Variants in NCAM2 observed in about 807,000 individuals in gnomAD.
NCAM2 encodes the protein neural cell adhesion molecule 2.
NCAM2 carries 30 observed loss-of-function variants against 98.1 expected under a neutral mutation model. The observed-to-expected ratio is 0.31, with a 90% confidence interval of 0.23 to 0.41. The LOEUF is 0.41. Ranked by LOEUF, NCAM2 falls within the 10% of genes least tolerant of loss-of-function variation. The probability of loss-of-function intolerance (pLI) is 1.00; values close to 1 mark genes in which losing one functional copy is unlikely to be tolerated. For synonymous variants in NCAM2, 368 were observed against 342.4 expected, an observed-to-expected ratio of 1.07 and a Z score of -0.83; for missense variants, 867 against 1,005.8, an observed-to-expected ratio of 0.86 and a Z score of 1.87.
chr21:21,018,421 C>T (rs2064362451), intron 1 of NCAM2, among the ~76,000 whole-genome samples: 1 of 152,174 alleles, frequency 6.6e-6, no homozygotes, highest in Non-Finnish European at 1.5e-5. Flanking sequence ...GAGATGAAGG[C>T]TGCTAAGTTT....
intron 8 of NCAM2, among the ~76,000 whole-genome samples, chr21:21,343,462 A>G (rs748964381): frequency 4.6e-5 from 7 of 152,096 alleles, no homozygotes; most frequent in Non-Finnish European, 1.0e-4. Context: ...TATTGCTGAA[A>G]GAGTCACTGA....
intron 1 of NCAM2, among the ~76,000 whole-genome samples, chr21:21,225,495 CA>C (rs2070346152): frequency 1.3e-5 from 2 of 151,852 alleles, no homozygotes; most frequent in Non-Finnish European, 1.5e-5. Flanking sequence ...TAGAATTTCT[CA>C]AAGCTCACAT....
intron 1 of NCAM2, among the ~76,000 whole-genome samples, chr21:21,233,662 G>A (rs368156942): frequency 3.3e-5 from 5 of 151,700 alleles, no homozygotes; most frequent in African/African-American, 9.6e-5. Flanking sequence ...GAGTACAAAC[G>A]ATGTTTTGGC....
intron 1 of NCAM2, among the ~76,000 whole-genome samples, chr21:21,035,420 C>T (rs939723456): frequency 6.6e-6 from 1 of 152,160 alleles, no homozygotes; most frequent in Non-Finnish European, 1.5e-5. Context: ...CTCTCAAAAA[C>T]ATACTTTACC....
chr21:21,355,612 GTTATTA>G (rs1160396964), intron 8 of NCAM2, among the ~76,000 whole-genome samples: 1 of 150,366 alleles, frequency 6.7e-6, no homozygotes, highest in Non-Finnish European at 1.5e-5. Flanking sequence ...TTTTATTGCT[GTTATTA>G]TTATTATTAT....
intron 11 of NCAM2, among the ~76,000 whole-genome samples, chr21:21,419,139 A>G (rs1474989293): frequency 6.6e-6 from 1 of 152,138 alleles, no homozygotes; most frequent in African/African-American, 2.4e-5. Context: ...ATAGGTAACA[A>G]TACAGATTGC....
At chr21:21,478,213 G>T (rs914967709) in intron 15 of NCAM2, among the ~76,000 whole-genome samples, 16 of 151,810 alleles carry the variant, frequency 1.1e-4, no homozygotes, top group African/African-American at 3.9e-4. Flanking sequence ...TTGCTAAATT[G>T]GTCATATTTC....
In NCAM2 at chr21:21,501,804, T is replaced by C. The variant is rs1016998693; in HGVS notation, c.2078-7047T>C. On this transcript the variant is annotated intron_variant, in intron 15 of 17. Coordinates refer to ENST00000400546, the MANE Select transcript of NCAM2 (RefSeq NM_004540.5). ...CTGTGTTCTTGTAATTTTTGAGAAA[T>C]TGCCCTTTAAGTTTCAGTATACCAA... Among the ~76,000 whole-genome samples, 5 of 152,038 alleles carry C rather than the reference T, an allele frequency of 3.3e-5. No homozygotes were observed. In the East Asian group the frequency reaches 9.7e-4, roughly 29 times the overall value.
At chr21:21,082,225 T>TAAAA (rs57713170) in intron 1 of NCAM2, among the ~76,000 whole-genome samples, 1 of 82,912 alleles carries the variant, frequency 1.2e-5, no homozygotes, top group African/African-American at 4.4e-5. Context: ...GAGAATCCTT[T>TAAAA]AAAAAAAAAA....
intron 1 of NCAM2, among the ~76,000 whole-genome samples, chr21:21,106,157 A>G (rs549539550): frequency 6.9e-4 from 105 of 151,878 alleles, no homozygotes; most frequent in African/African-American, 2.5e-3. Flanking sequence ...AAATTTAAAA[A>G]CTTAGTTGGG....
intron 6 of NCAM2, among the ~76,000 whole-genome samples, chr21:21,333,654 G>A (rs1306870112): frequency 6.6e-6 from 1 of 152,066 alleles, no homozygotes; most frequent in Admixed American, 6.6e-5. Flanking sequence ...GAATTGAGGA[G>A]TAGAGATATA....
chr21:21,447,838 A>G (rs1418929561), intron 12 of NCAM2, among the ~76,000 whole-genome samples: 2 of 152,154 alleles, frequency 1.3e-5, no homozygotes, highest in Non-Finnish European at 2.9e-5. Flanking sequence ...TCAAAACCAT[A>G]ATGAGATACC....
At chr21:21,470,551 A>G (rs775107557) in intron 14 of NCAM2, among the ~76,000 whole-genome samples, 5 of 152,036 alleles carry the variant, frequency 3.3e-5, no homozygotes, top group Non-Finnish European at 5.9e-5. Flanking sequence ...TCTCCAGTAA[A>G]GTTACTCCTT....
At chr21:21,448,782 CA>C (rs888611560) in intron 12 of NCAM2, among the ~76,000 whole-genome samples, 2 of 151,622 alleles carry the variant, frequency 1.3e-5, no homozygotes, top group African/African-American at 4.8e-5. Flanking sequence ...TTATGAATTG[CA>C]AAAAAGAAGA....
intron 15 of NCAM2, among the ~76,000 whole-genome samples, chr21:21,503,924 G>T (rs1987800816): frequency 6.6e-6 from 1 of 151,634 alleles, no homozygotes; most frequent in Non-Finnish European, 1.5e-5. Context: ...AATACAAAAT[G>T]ATCATTAAAG....
intron 1 of NCAM2, among the ~76,000 whole-genome samples, chr21:21,072,435 C>T (rs2065591804): frequency 6.6e-6 from 1 of 151,942 alleles, no homozygotes; most frequent in African/African-American, 2.4e-5. Flanking sequence ...TTATAGAAAA[C>T]TTACAAAATT....
chr21:21,418,380 T>C (rs948106094), intron 10 of NCAM2, 93 bp from the exon 11 acceptor site: 1 of 869,410 alleles, frequency 1.2e-6, no homozygotes, highest in African/African-American at 1.7e-5. Flanking sequence ...GGGTAAAAAA[T>C]GAAATGTGTG....
intron 10 of NCAM2, among the ~76,000 whole-genome samples, chr21:21,411,445 TA>T (rs1017244448): frequency 2.0e-5 from 3 of 151,818 alleles, no homozygotes; most frequent in Admixed American, 1.3e-4. Context: ...TCTTTTGTTT[TA>T]TTACTAAAAA....
intron 1 of NCAM2, among the ~76,000 whole-genome samples, chr21:21,252,168 T>A (rs2071499734): frequency 6.6e-6 from 1 of 152,026 alleles, no homozygotes; most frequent in South Asian, 2.1e-4. Context: ...TCATGCCAGT[T>A]AGAATGGTGA....
Sources: gnomAD v4.1 joint callset for allele counts (sites outside exome capture counted in the v4.1 genomes callset) on GRCh38, gnomAD v4.1.1 for gene constraint, MANE v1.5 for transcripts, NCBI Gene and HGNC (gene_info 2026-07-23, HGNC 2026-07-21) for gene names.